The following ARHGAP42 variants were observed in gnomAD, a reference collection of about 807,000 sequenced individuals.
ARHGAP42 encodes Rho GTPase activating protein 42, also known as rho GTPase-activating protein 42.
A neutral mutation model predicts 125.0 loss-of-function variants in ARHGAP42; 63 were observed. The ratio of observed to expected loss-of-function variants is 0.50; its 90% CI spans 0.41 to 0.62. The LOEUF is 0.62. Ranked by LOEUF, ARHGAP42 falls within the 20% of genes least tolerant of loss-of-function variation. The probability of loss-of-function intolerance (pLI) is 0.00; values close to 1 mark genes in which losing one functional copy is unlikely to be tolerated. For missense variants in ARHGAP42, 766 were observed against 1,024.2 expected (o/e 0.75, Z 3.44); for synonymous variants, 339 against 351.0 (o/e 0.97, Z 0.38).
intron 4 of ARHGAP42, among the ~76,000 whole-genome samples, chr11:100,902,953 C>T (rs1338421930): frequency 2.0e-5 from 3 of 152,052 alleles, no homozygotes; most frequent in African/African-American, 7.3e-5. Context: ...TGAACGGCCC[C>T]GAGGTGTGTT....
chr11:100,877,659 C>T (rs1003121984), intron 4 of ARHGAP42, among the ~76,000 whole-genome samples: 1 of 152,096 alleles, frequency 6.6e-6, no homozygotes, highest in African/African-American at 2.4e-5. Context: ...CCTGGCTCTG[C>T]TGTGTGTGAA....
chr11:100,976,941 C>T lies in ARHGAP42; in HGVS notation c.2363C>T (p.Ser788Leu), dbSNP rs1197569278. ...AGGAGATTAAGACTAGACACTGCCT[C>T]AAGCAATGGCTATCAGCGGCCTGGC... ...MCRRLRLDTA[S>L]SNGYQRPGSV... Residue 788 changes from serine (S) to leucine (L), a missense_variant, in exon 21 of 24, where the codon TCA becomes TTA. Ser to Leu is a moderately radical substitution (Grantham distance 145, BLOSUM62 -2). Around this residue, in one of 3 missense-constraint regions of ARHGAP42, gnomAD observed 308 missense variants for 369.7 expected, o/e 0.83. Coordinates refer to ENST00000298815, the MANE Select transcript of ARHGAP42 (RefSeq NM_152432.4). 1 of 1,551,432 alleles carries T rather than the reference C, an allele frequency of 6.4e-7. No homozygotes were observed. Among genetic ancestry groups the T allele is most frequent in the South Asian group, 1.2e-5 (1 of 84,052 alleles).
At chr11:100,729,466 T>C (rs1013495028) in intron 1 of ARHGAP42, among the ~76,000 whole-genome samples, 3 of 152,158 alleles carry the variant, frequency 2.0e-5, no homozygotes, top group African/African-American at 7.2e-5. Flanking sequence ...TTTTGGAGCA[T>C]ATGTCAATTG....
chr11:100,957,117 A>C lies in ARHGAP42; in HGVS notation c.1163-2766A>C, dbSNP rs564807482. Reference sequence around the variant, plus strand: ...ATCTTTAAACAGTGCTATGAAGAAGATACTATTATCTTTATTTTGTAGGAG... The same window carrying C: ...ATCTTTAAACAGTGCTATGAAGAAGCTACTATTATCTTTATTTTGTAGGAG... On this transcript the variant is annotated intron_variant, in intron 12 of 23. Coordinates refer to ENST00000298815, the MANE Select transcript of ARHGAP42 (RefSeq NM_152432.4). Among the ~76,000 whole-genome samples, 4 of 152,240 alleles carry C rather than the reference A, an allele frequency of 2.6e-5. No homozygotes were observed. In the South Asian group the frequency reaches 8.3e-4, roughly 32 times the overall value.
At chr11:100,729,851 G>A (rs1188706988) in intron 1 of ARHGAP42, among the ~76,000 whole-genome samples, 1 of 124,112 alleles carries the variant, frequency 8.1e-6, no homozygotes, top group Non-Finnish European at 1.7e-5. Flanking sequence ...TGCTCTTGTT[G>A]CCAGGTTGGA....
chr11:100,961,666 T>A lies in ARHGAP42; in HGVS notation c.1301-18T>A, dbSNP rs912475704. Reference sequence around the variant, plus strand: ...TTTTGAACTGCACAATTTAAACACCTTGTTTTATTCTTTCCAGCTCCTAAA... The same window carrying A: ...TTTTGAACTGCACAATTTAAACACCATGTTTTATTCTTTCCAGCTCCTAAA... On this transcript the variant is annotated intron_variant, in intron 14 of 23. Coordinates refer to ENST00000298815, the MANE Select transcript of ARHGAP42 (RefSeq NM_152432.4). 6.5e-7 allele frequency: 1 copy of A among 1,547,312 alleles called. No individual in the cohort carries two copies. Among genetic ancestry groups the A allele is most frequent in the African/African-American group, 1.4e-5 (1 of 72,880 alleles).
intron 1 of ARHGAP42, among the ~76,000 whole-genome samples, chr11:100,701,248 A>G (rs1383283539): frequency 1.3e-5 from 2 of 151,916 alleles, no homozygotes; most frequent in Non-Finnish European, 2.9e-5. Flanking sequence ...TTTCTAGTGC[A>G]CAGGAAGAGT....
At chr11:100,811,965 T>C (rs892030307) in intron 3 of ARHGAP42, among the ~76,000 whole-genome samples, 42 of 152,302 alleles carry the variant, frequency 2.8e-4, no homozygotes, top group African/African-American at 1.0e-3. Flanking sequence ...TAATGTTATA[T>C]TTTTATTGCT....
intron 1 of ARHGAP42, among the ~76,000 whole-genome samples, chr11:100,724,128 T>C (rs1429202798): frequency 6.6e-6 from 1 of 152,210 alleles, no homozygotes; most frequent in Non-Finnish European, 1.5e-5. Context: ...GCTACATTAA[T>C]TGATTTTAGA....
rs1858799112 is a variant in ARHGAP42, at chr11:100,990,293, G to C, written c.*1492G>C. 6.6e-6 allele frequency: 1 copy of C among 151,936 alleles called. No homozygotes were observed. Among genetic ancestry groups the C allele is most frequent in the South Asian group, 2.1e-4 (1 of 4,826 alleles). The allele number at this position is 151,936 out of a possible 1,614,324, so 9.4% of individuals were successfully genotyped here. The stretch of plus-strand genomic sequence containing the variant: ...CTGTGCAGACTCTCAGGTATTAACT[G>C]TAAAAAACTCTTTACATGCCATTAT... On this transcript the variant is annotated 3_prime_UTR_variant, in exon 24 of 24. Transcript: ENST00000298815.
At chr11:100,688,156 A>T (rs550290655) in intron 1 of ARHGAP42, among the ~76,000 whole-genome samples, 3 of 151,706 alleles carry the variant, frequency 2.0e-5, no homozygotes, top group African/African-American at 7.3e-5. Flanking sequence ...TATTGTGTCT[A>T]TTAATAGTTT....
chr11:100,752,464 C>G (rs1862482177), intron 1 of ARHGAP42, among the ~76,000 whole-genome samples: 1 of 152,184 alleles, frequency 6.6e-6, no homozygotes, highest in African/African-American at 2.4e-5. Context: ...TTCTTTTGTA[C>G]TACTGGCTGT....
intron 1 of ARHGAP42, among the ~76,000 whole-genome samples, chr11:100,702,780 T>C (rs891721890): frequency 6.6e-6 from 1 of 151,712 alleles, no homozygotes; most frequent in Admixed American, 6.6e-5. Context: ...CAAGCGATTC[T>C]CCTGCCTCAG....
chr11:100,892,541 A>G (rs1866245177), intron 4 of ARHGAP42, among the ~76,000 whole-genome samples: 2 of 152,188 alleles, frequency 1.3e-5, no homozygotes, highest in Non-Finnish European at 2.9e-5. Flanking sequence ...AGTTTGGTAT[A>G]AAGAAACCAT....
intron 1 of ARHGAP42, among the ~76,000 whole-genome samples, chr11:100,767,481 G>A (rs1037461547): frequency 1.2e-4 from 19 of 152,182 alleles, no homozygotes; most frequent in African/African-American, 4.6e-4. Context: ...TGCATTCACA[G>A]TGATCTCTGT....
rs1591167004 is a variant in ARHGAP42, at chr11:100,770,793, G to T, written c.250+355G>T. 2.6e-5 allele frequency among the ~76,000 whole-genome samples: 4 copies of T among 152,172 alleles called. No homozygotes were observed. In the East Asian group the frequency reaches 7.7e-4, roughly 29 times the overall value. ...AGGATTTCACCATTTTGGTCAGCCTGGTCTCGAACTCTTGACCTCAGGTGA... is the reference window on the plus strand; with the variant it reads ...AGGATTTCACCATTTTGGTCAGCCTTGTCTCGAACTCTTGACCTCAGGTGA... On this transcript the variant is annotated intron_variant, in intron 2 of 23. Transcript: ENST00000298815.
At chr11:100,836,476 C>CT (rs1472725110) in intron 3 of ARHGAP42, among the ~76,000 whole-genome samples, 1 of 152,006 alleles carries the variant, frequency 6.6e-6, no homozygotes, top group Non-Finnish European at 1.5e-5. Context: ...TGGAAGAACT[C>CT]TGAGTTATAG....
intron 3 of ARHGAP42, among the ~76,000 whole-genome samples, chr11:100,856,642 G>T (rs1377912328): frequency 1.3e-5 from 2 of 152,070 alleles, no homozygotes; most frequent in Non-Finnish European, 2.9e-5. Context: ...AAAATGTAGG[G>T]TTATCTACTA....
intron 20 of ARHGAP42, 86 bp downstream of exon 20, chr11:100,976,523 G>A (rs1858396196): frequency 7.0e-7 from 1 of 1,434,734 alleles, no homozygotes. Flanking sequence ...CAGGGATAAA[G>A]TTAATGGTGG....
Sources: gnomAD v4.1 joint callset for allele counts (sites outside exome capture counted in the v4.1 genomes callset) on GRCh38, gnomAD v4.1.1 for gene constraint, gnomAD v4.1.1 regional missense constraint, MANE v1.5 for transcripts, NCBI Gene and HGNC (gene_info 2026-07-23, HGNC 2026-07-21) for gene names.